Variants in ACOT13 observed in about 807,000 individuals in gnomAD.
ACOT13 encodes acyl-CoA thioesterase 13.
In ACOT13, 10 loss-of-function variants were observed where a neutral mutation model predicts 11.8. The ratio of observed to expected loss-of-function variants is 0.85; its 90% CI spans 0.53 to 1.44. The LOEUF (loss-of-function observed/expected upper bound fraction) is 1.44. ACOT13 is among the 40% of genes most tolerant of loss of function. ACOT13 has a pLI of 0.00. For missense variants in ACOT13, 172 were observed against 174.1 expected (o/e 0.99, Z 0.07); for synonymous variants, 53 against 61.0 (o/e 0.87, Z 0.61).
At chr6:24,677,476 G>A (rs6911150) in intron 1 of ACOT13, among the ~76,000 whole-genome samples, 5,937 of 152,256 alleles carry the variant, frequency 0.039, 320 homozygotes, top group African/African-American at 0.12. Context: ...GCCACTACCC[G>A]TAAACAATGA....
chr6:24,683,794 C>T (rs965587005), intron 1 of ACOT13, among the ~76,000 whole-genome samples: 27 of 30,690 alleles, frequency 8.8e-4, no homozygotes, highest in African/African-American at 6.1e-3. Flanking sequence ...CAATCAGATA[C>T]GCGTTTATCT....
chr6:24,685,479 T>C (rs9467256), intron 1 of ACOT13, among the ~76,000 whole-genome samples: 38 of 151,888 alleles, frequency 2.5e-4, no homozygotes, highest in African/African-American at 9.2e-4. Context: ...CCCGAGTAGC[T>C]GGGACTACAG....
intron 1 of ACOT13, among the ~76,000 whole-genome samples, chr6:24,695,158 A>T (rs1778774337): frequency 6.6e-6 from 1 of 152,038 alleles, no homozygotes; most frequent in Admixed American, 6.6e-5. Flanking sequence ...AAAATACAAA[A>T]ATTAGCCAGG....
At chr6:24,668,923 G>T (rs922264409) in intron 1 of ACOT13, among the ~76,000 whole-genome samples, 1 of 152,210 alleles carries the variant, frequency 6.6e-6, no homozygotes, top group South Asian at 2.1e-4. Context: ...AAAGGGAGAA[G>T]CCTCTGGTTC....
chr6:24,702,684 T>C lies in ACOT13; in HGVS notation c.*1069T>C, dbSNP rs1208077641. 6.6e-6 allele frequency: 1 copy of C among 151,672 alleles called. No individual in the cohort carries two copies. The highest frequency in any genetic ancestry group is 2.4e-5 in the African/African-American group (1 of 41,246). The allele number at this position is 151,672 out of a possible 1,614,324, so 9.4% of individuals were successfully genotyped here. On this transcript the variant is annotated 3_prime_UTR_variant, in exon 3 of 3. Coordinates refer to ENST00000230048, the MANE Select transcript of ACOT13 (RefSeq NM_018473.4). ...ATGAACTACAGCCCATATTGAAAAA[T>C]AAAATAGATTGAGCCATATGCCTAA...
chr6:24,699,429 C>T (rs1778857164), intron 2 of ACOT13, among the ~76,000 whole-genome samples: 1 of 152,188 alleles, frequency 6.6e-6, no homozygotes, highest in Non-Finnish European at 1.5e-5. Flanking sequence ...CCAGGCTGGT[C>T]TCGATCTCCT....
intron 1 of ACOT13, among the ~76,000 whole-genome samples, chr6:24,673,385 G>C (rs1778392640): frequency 6.6e-6 from 1 of 151,448 alleles, no homozygotes; most frequent in African/African-American, 2.4e-5. Context: ...TTTTGAAATA[G>C]AGTCTCGCAC....
chr6:24,691,367 A>G (rs1489466431), intron 1 of ACOT13, among the ~76,000 whole-genome samples: 8 of 152,214 alleles, frequency 5.3e-5, no homozygotes, highest in Non-Finnish European at 1.0e-4. Flanking sequence ...CAGTGAACAC[A>G]ACTGACAAAA....
chr6:24,695,875 T>C (rs1414229748), intron 1 of ACOT13, among the ~76,000 whole-genome samples: 1 of 152,224 alleles, frequency 6.6e-6, no homozygotes, highest in East Asian at 1.9e-4. Context: ...GAGACCAGCA[T>C]GGTGAAACCT....
At position 24,703,272 on chromosome 6, in the gene ACOT13, A is replaced by G. The variant is rs1778926341; in HGVS notation, c.*1657A>G. ...TTAAGTAAATTTAAGTCAAGTTAAC[A>G]GTTAAAGACAAATCCTTTCCCTACA... On this transcript the variant is annotated 3_prime_UTR_variant, in exon 3 of 3. Coordinates refer to ENST00000230048, the MANE Select transcript of ACOT13 (RefSeq NM_018473.4). The G allele has an allele frequency of 6.6e-6, 1 of 152,270 alleles. No individual in the cohort carries two copies. The highest frequency in any genetic ancestry group is 1.5e-5 in the Non-Finnish European group (1 of 68,044). 9.4% of individuals were successfully genotyped at this position (152,270 alleles called of 1,614,324 possible). A position where few individuals can be genotyped will look rare whatever the true frequency, so the allele number is the denominator to read the frequency against.
intron 1 of ACOT13, among the ~76,000 whole-genome samples, chr6:24,669,651 T>G (rs1393699733): frequency 6.6e-6 from 1 of 152,176 alleles, no homozygotes; most frequent in Non-Finnish European, 1.5e-5. Context: ...GATGGTTTAT[T>G]CCTAGACAGG....
chr6:24,699,452 T>C lies in ACOT13; in HGVS notation c.266+1385T>C, dbSNP rs60333238. 3.3e-3 allele frequency among the ~76,000 whole-genome samples: 508 copies of C among 152,286 alleles called. 3 individuals carry two copies. Among genetic ancestry groups the C allele is most frequent in the African/African-American group, 1.0e-2 (414 of 41,562 alleles). On this transcript the variant is annotated intron_variant, in intron 2 of 2. Transcript: ENST00000230048. ...GTCTCGATCTCCTCACCTTGTGATC[T>C]GCCCGCCTTGGCCTCCCAAAGTGCT...
rs117884116 is a variant in ACOT13 at position 24,678,561 on chromosome 6, G to A, written c.81+11217G>A. Among the ~76,000 whole-genome samples the A allele has an allele frequency of 5.0e-3, 758 of 152,204 alleles. 18 individuals carry two copies. Among genetic ancestry groups the A allele is most frequent in the East Asian group, 0.034 (176 of 5,176 alleles). ...CTTTAATTTAACTTGAATAGGACAG[G>A]CATTCTTTGCTCATCCATATTGTCC... On this transcript the variant is annotated intron_variant, in intron 1 of 2. Transcript: ENST00000230048.
rs1429395861 is a variant in ACOT13, at chr6:24,702,807, C to G, written c.*1192C>G. 3 of 152,132 alleles carry G rather than the reference C, an allele frequency of 2.0e-5. No individual in the cohort carries two copies. Among genetic ancestry groups the G allele is most frequent in the Non-Finnish European group, 4.4e-5 (3 of 68,006 alleles). The allele number at this position is 152,132 out of a possible 1,614,324, so 9.4% of individuals were successfully genotyped here. A position where few individuals can be genotyped will look rare whatever the true frequency, so the allele number is the denominator to read the frequency against. On this transcript the variant is annotated 3_prime_UTR_variant, in exon 3 of 3. Transcript: ENST00000230048. ...AAAAAGCATGCTACTAGCCCCTTTT[C>G]TTGTACCGAGAATAAAACCATGCAG...
chr6:24,691,717 C>G (rs1778720425), intron 1 of ACOT13, among the ~76,000 whole-genome samples: 1 of 152,192 alleles, frequency 6.6e-6, no homozygotes, highest in South Asian at 2.1e-4. Context: ...GGCCCTCAGA[C>G]TTTCCATTGC....
intron 1 of ACOT13, among the ~76,000 whole-genome samples, chr6:24,678,590 T>C (rs1778494468): frequency 6.6e-6 from 1 of 152,224 alleles, no homozygotes; most frequent in South Asian, 2.1e-4. Context: ...ATTGTCCTTC[T>C]GTTGCCCAGA....
At position 24,694,303 on chromosome 6, in the gene ACOT13, T is replaced by C. The variant is rs566387683; in HGVS notation, c.82-3580T>C. 1.1e-3 allele frequency among the ~76,000 whole-genome samples: 170 copies of C among 152,306 alleles called. 1 individual carries two copies. The highest frequency in any genetic ancestry group is 2.2e-4 in the Non-Finnish European group (15 of 68,022). ...ACATCATAAAAGCCTCCATACCATC[T>C]TCACCAAGACACCTAAGGAATCAGA... On this transcript the variant is annotated intron_variant, in intron 1 of 2. Coordinates refer to ENST00000230048, the MANE Select transcript of ACOT13 (RefSeq NM_018473.4).
intron 1 of ACOT13, among the ~76,000 whole-genome samples, chr6:24,670,575 C>G (rs1347750898): frequency 6.6e-6 from 1 of 152,190 alleles, no homozygotes; most frequent in African/African-American, 2.4e-5. Flanking sequence ...CCAACTGTGT[C>G]CTGTTACAAA....
chr6:24,682,456 G>C (rs914988565), intron 1 of ACOT13, among the ~76,000 whole-genome samples: 5 of 152,216 alleles, frequency 3.3e-5, no homozygotes, highest in African/African-American at 1.2e-4. Context: ...TGCGGTGAGT[G>C]TTATAGCTCT....
Sources: gnomAD v4.1 joint callset for allele counts (sites outside exome capture counted in the v4.1 genomes callset) on GRCh38, gnomAD v4.1.1 for gene constraint, MANE v1.5 for transcripts, NCBI Gene and HGNC (gene_info 2026-07-23, HGNC 2026-07-21) for gene names.